Variants in MCPH1 observed in about 807,000 individuals in gnomAD.
The protein encoded by MCPH1 is microcephalin 1, also known as microcephalin.
Under a neutral mutation model 84.5 loss-of-function variants are expected in MCPH1, and 104 were observed. The ratio of observed to expected loss-of-function variants is 1.23; its 90% CI spans 1.05 to 1.45. The LOEUF is 1.45. MCPH1 is among the 40% of genes most tolerant of loss of function. MCPH1 has a pLI of 0.00. For synonymous variants in MCPH1, 514 were observed against 366.8 expected (o/e 1.40, Z -4.58); for missense variants, 1,498 against 1,005.7 (o/e 1.49, Z -6.62).
chr8:6,449,505 T>C (rs900144568), intron 8 of MCPH1, among the ~76,000 whole-genome samples: 1 of 152,078 alleles, frequency 6.6e-6, no homozygotes, highest in Non-Finnish European at 1.5e-5. Context: ...TGGTGGCACA[T>C]GCCTATAATC....
intron 12 of MCPH1, chr8:6,500,327 G>T: frequency 6.1e-6 from 1 of 163,752 alleles, no homozygotes; most frequent in East Asian, 1.7e-4. Flanking sequence ...ATATTTTTAT[G>T]GCTTTCCTAA....
At position 6,445,874 on chromosome 8, in the gene MCPH1, G is replaced by C. The variant is rs1043479970; in HGVS notation, c.1825+327G>C. On this transcript the variant is annotated intron_variant, in intron 8 of 13. Coordinates refer to ENST00000344683, the MANE Select transcript of MCPH1 (RefSeq NM_024596.5). ...TTTTTCCTTATTCCATTGGAGTCTT[G>C]GCGCTGCAGCGTGTGTAAAGATGTA... 6.6e-6 allele frequency: 7 copies of C among 1,061,954 alleles called. No homozygotes were observed. In the South Asian group the frequency reaches 1.2e-4, roughly 18 times the overall value. The allele number at this position is 1,061,954 out of a possible 1,614,324, so 65.8% of individuals were successfully genotyped here.
chr8:6,482,059 C>G (rs1344248733), intron 11 of MCPH1, among the ~76,000 whole-genome samples: 1 of 152,166 alleles, frequency 6.6e-6, no homozygotes, highest in African/African-American at 2.4e-5. Context: ...TGCTGCTTGC[C>G]CTCACTTAGT....
intron 12 of MCPH1, among the ~76,000 whole-genome samples, chr8:6,562,035 C>G (rs528745131): frequency 1.3e-5 from 2 of 152,174 alleles, no homozygotes; most frequent in Non-Finnish European, 2.9e-5. Context: ...GGGAACTGTG[C>G]CCCTGTTTAC....
At position 6,425,328 on chromosome 8, in the gene MCPH1, G is replaced by T. The variant is rs527643550; in HGVS notation, c.234-6171G>T. 4.6e-5 allele frequency among the ~76,000 whole-genome samples: 7 copies of T among 152,306 alleles called. No individual in the cohort carries two copies. In the East Asian group the frequency reaches 1.2e-3, roughly 25 times the overall value. On this transcript the variant is annotated intron_variant, in intron 3 of 13. Transcript: ENST00000344683. Reference sequence around the variant, plus strand: ...GATAATGTTATCATTTTACATTTCTGAAGAAAAATAGAAATCTAACTGGAA... The same window carrying T: ...GATAATGTTATCATTTTACATTTCTTAAGAAAAATAGAAATCTAACTGGAA...
At chr8:6,504,292 T>C (rs1475945266) in intron 12 of MCPH1, among the ~76,000 whole-genome samples, 1 of 116,422 alleles carries the variant, frequency 8.6e-6, no homozygotes, top group Non-Finnish European at 1.6e-5. Context: ...CACTCCAGCC[T>C]GGGCGACAGA....
At chr8:6,423,023 A>C (rs1290103338) in intron 3 of MCPH1, among the ~76,000 whole-genome samples, 2 of 150,816 alleles carry the variant, frequency 1.3e-5, no homozygotes, top group African/African-American at 2.5e-5. Context: ...GGGTTTCACC[A>C]TGTTGGCCAG....
chr8:6,626,861 G>C (rs1293277231), intron 13 of MCPH1: 1 of 985,066 alleles, frequency 1.0e-6, no homozygotes, highest in African/African-American at 1.8e-5. Context: ...AGGCTGGCTT[G>C]GCCTTTCTCA....
chr8:6,625,047 G>A (rs1831921745), intron 13 of MCPH1: 1 of 515,702 alleles, frequency 1.9e-6, no homozygotes, highest in African/African-American at 2.1e-5. Context: ...GGTAATTTTT[G>A]TATTTTTAGT....
chr8:6,448,404 G>C (rs890862442), intron 8 of MCPH1, among the ~76,000 whole-genome samples: 2 of 152,202 alleles, frequency 1.3e-5, no homozygotes, highest in African/African-American at 4.8e-5. Flanking sequence ...TTGGAGAGGG[G>C]TAAGAGCCAG....
intron 9 of MCPH1, among the ~76,000 whole-genome samples, chr8:6,457,561 T>C (rs1439088152): frequency 6.6e-6 from 1 of 152,038 alleles, no homozygotes; most frequent in Non-Finnish European, 1.5e-5. Context: ...GTCGAGATCA[T>C]GCCACTGCAC....
intron 3 of MCPH1, among the ~76,000 whole-genome samples, chr8:6,421,664 G>C (rs767490577): frequency 7.9e-5 from 12 of 152,216 alleles, no homozygotes; most frequent in Admixed American, 2.0e-4. Flanking sequence ...GATGTAGTCA[G>C]TGGCTGCCTC....
intron 5 of MCPH1, among the ~76,000 whole-genome samples, chr8:6,436,652 T>C (rs1441153039): frequency 6.6e-6 from 1 of 150,834 alleles, no homozygotes; most frequent in Non-Finnish European, 1.5e-5. Flanking sequence ...TGTATATATA[T>C]TGTTAAATAA....
chr8:6,479,639 G>A (rs1808937139), intron 10 of MCPH1, among the ~76,000 whole-genome samples: 1 of 151,860 alleles, frequency 6.6e-6, no homozygotes, highest in Admixed American at 6.6e-5. Context: ...GTTTCACCAT[G>A]TTGTTGTATA....
chr8:6,421,593 G>C (rs1306651109), intron 3 of MCPH1, among the ~76,000 whole-genome samples: 1 of 151,996 alleles, frequency 6.6e-6, no homozygotes, highest in East Asian at 1.9e-4. Context: ...TACATTATAT[G>C]AAATTCAATT....
chr8:6,627,576 T>G (rs891409009), intron 13 of MCPH1, among the ~76,000 whole-genome samples: 3 of 152,216 alleles, frequency 2.0e-5, no homozygotes, highest in African/African-American at 7.2e-5. Flanking sequence ...AATGTCGACA[T>G]CTGAGATGTT....
intron 12 of MCPH1, among the ~76,000 whole-genome samples, chr8:6,561,960 G>T (rs1221423435): frequency 6.6e-6 from 1 of 152,122 alleles, no homozygotes; most frequent in Non-Finnish European, 1.5e-5. Flanking sequence ...CCCACGTGGG[G>T]ACGCATTCCG....
chr8:6,518,386 G>T (rs974246269), intron 12 of MCPH1, among the ~76,000 whole-genome samples: 1 of 152,228 alleles, frequency 6.6e-6, no homozygotes, highest in African/African-American at 2.4e-5. Flanking sequence ...AGCAGACTGT[G>T]TTGTTTGTGG....
intron 12 of MCPH1, among the ~76,000 whole-genome samples, chr8:6,554,993 C>G (rs572313073): frequency 3.9e-5 from 6 of 152,120 alleles, no homozygotes; most frequent in East Asian, 1.9e-4. Context: ...CACACCTGAC[C>G]TAGAGTCCAG....
Sources: gnomAD v4.1 joint callset for allele counts (sites outside exome capture counted in the v4.1 genomes callset) on GRCh38, gnomAD v4.1.1 for gene constraint, MANE v1.5 for transcripts, NCBI Gene and HGNC (gene_info 2026-07-23, HGNC 2026-07-21) for gene names.